The following NCOA7 variants were observed in gnomAD, a reference collection of about 807,000 sequenced individuals.
The protein encoded by NCOA7 is 140 kDa estrogen receptor-associated protein.
NCOA7 carries 45 observed loss-of-function variants against 104.3 expected under a neutral mutation model. The observed-to-expected ratio is 0.43, with a 90% CI of 0.34 to 0.55. The LOEUF is 0.55. NCOA7 is among the 20% of genes least tolerant of loss of function. NCOA7 has a pLI of 0.02. For synonymous variants in NCOA7, 398 were observed against 402.3 expected, an observed-to-expected ratio of 0.99 and a Z score of 0.13; for missense variants, 1,041 against 1,119.7, an observed-to-expected ratio of 0.93 and a Z score of 1.00.
chr6:125,819,535 A>G (rs1777958702), intron 2 of NCOA7, among the ~76,000 whole-genome samples: 1 of 152,146 alleles, frequency 6.6e-6, no homozygotes, highest in Non-Finnish European at 1.5e-5. Flanking sequence ...AAACTTTTTC[A>G]CAAATGGTTT....
At chr6:125,923,966 T>C (rs1463519001) in intron 13 of NCOA7, among the ~76,000 whole-genome samples, 4 of 152,228 alleles carry the variant, frequency 2.6e-5, no homozygotes, top group African/African-American at 9.6e-5. Flanking sequence ...TTAAGAGTTG[T>C]GGGAATTAAT....
intron 1 of NCOA7, among the ~76,000 whole-genome samples, chr6:125,781,605 G>A (rs945277002): frequency 6.6e-6 from 1 of 152,086 alleles, no homozygotes; most frequent in Non-Finnish European, 1.5e-5. Context: ...TCAGTAGGTG[G>A]AGCTCTTAAC....
chr6:125,890,701 G>C lies in NCOA7; in HGVS notation c.1987G>C (p.Val663Leu). 6.2e-7 allele frequency: 1 copy of C among 1,613,826 alleles called. No homozygotes were observed. Among genetic ancestry groups the C allele is most frequent in the South Asian group, 1.1e-5 (1 of 91,056 alleles). The change falls in exon 10 of 16, where the codon GTG becomes CTG. Residue 663 changes from valine (V) to leucine (L), a missense_variant. Coordinates refer to ENST00000392477, the MANE Select transcript of NCOA7 (RefSeq NM_181782.5). ...CCCACCCATGTTCCTGTGCATCAAA[G>C]TGGGAAAACCAATGAGAAAATCCTT... is the stretch of plus-strand genomic sequence containing the variant. ...KTPPMFLCIK[V>L]GKPMRKSFAT...
chr6:125,851,299 T>C (rs1293972889), intron 2 of NCOA7, among the ~76,000 whole-genome samples: 1 of 152,140 alleles, frequency 6.6e-6, no homozygotes, highest in Non-Finnish European at 1.5e-5. Flanking sequence ...ATACTATATG[T>C]TTTTGCATCC....
At chr6:125,847,933 A>G (rs531326097) in intron 2 of NCOA7, among the ~76,000 whole-genome samples, 2 of 152,294 alleles carry the variant, frequency 1.3e-5, no homozygotes, top group Non-Finnish European at 2.9e-5. Flanking sequence ...TCCAGAATCT[A>G]CAAAGAACTC....
At chr6:125,903,765 G>C (rs1349305440) in intron 10 of NCOA7, among the ~76,000 whole-genome samples, 2 of 150,806 alleles carry the variant, frequency 1.3e-5, no homozygotes, top group Non-Finnish European at 2.9e-5. Flanking sequence ...GAGTGTAGTG[G>C]CATGATCTCA....
At chr6:125,878,033 T>C (rs1299706490) in intron 4 of NCOA7, among the ~76,000 whole-genome samples, 2 of 152,178 alleles carry the variant, frequency 1.3e-5, no homozygotes, top group Non-Finnish European at 2.9e-5. Flanking sequence ...AGAAATCTAT[T>C]AGGGGACAGT....
At chr6:125,855,285 T>A in intron 3 of NCOA7, 45 bp downstream of exon 3, 4 of 1,444,868 alleles carry the variant, frequency 2.8e-6, no homozygotes, top group Non-Finnish European at 3.8e-6. Context: ...TTAAAAAATC[T>A]ATAAGAATTT....
rs367670186 is a variant in NCOA7 at position 125,926,117 on chromosome 6, C to G, written c.2524-1546C>G. On this transcript the variant is annotated intron_variant, in intron 13 of 15. Coordinates refer to ENST00000392477, the MANE Select transcript of NCOA7 (RefSeq NM_181782.5). ...CCTGAGGCCAGGAGTTCCAGACCAG[C>G]CTGACCAACGTGGTGAAACCCCGTC... 1.2e-4 allele frequency among the ~76,000 whole-genome samples: 18 copies of G among 152,152 alleles called. No homozygotes were observed. The East Asian group carries it at 3.3e-3, about 28-fold the overall frequency.
At chr6:125,828,057 T>G (rs1342930338) in intron 2 of NCOA7, among the ~76,000 whole-genome samples, 1 of 152,214 alleles carries the variant, frequency 6.6e-6, no homozygotes, top group East Asian at 1.9e-4. Context: ...GAAAACAGGT[T>G]CTGGACTGAG....
chr6:125,829,389 A>G (rs1355419162), intron 2 of NCOA7, among the ~76,000 whole-genome samples: 1 of 152,242 alleles, frequency 6.6e-6, no homozygotes, highest in Non-Finnish European at 1.5e-5. Context: ...GGATTTTAAT[A>G]TATTAGTGTA....
At chr6:125,846,352 GA>G (rs202066680) in intron 2 of NCOA7, among the ~76,000 whole-genome samples, 7 of 88,982 alleles carry the variant, frequency 7.9e-5, no homozygotes, top group African/African-American at 2.6e-4. Flanking sequence ...ATATAAAAAA[GA>G]AAAAAAAATT....
intron 10 of NCOA7, among the ~76,000 whole-genome samples, chr6:125,914,132 T>C (rs1786832626): frequency 6.6e-6 from 1 of 152,302 alleles, no homozygotes; most frequent in Middle Eastern, 3.4e-3. Context: ...ATTCGAACCA[T>C]AGTGAAAGGC....
Position 125,930,590 on chromosome 6 carries a change from T to G in NCOA7, c.*1819T>G, listed in dbSNP as rs987310900. The G allele has an allele frequency of 1.3e-5, 2 of 152,666 alleles. No homozygotes were observed. Among genetic ancestry groups the G allele is most frequent in the Non-Finnish European group, 2.9e-5 (2 of 68,048 alleles). The allele number at this position is 152,666 out of a possible 1,614,324, so 9.5% of individuals were successfully genotyped here. The stretch of plus-strand genomic sequence containing the variant: ...AAAGCAATTCTTAGAATACTTCCTT[T>G]ACATTATTCTCCTATTTTAGACATT... On this transcript the variant is annotated 3_prime_UTR_variant, in exon 16 of 16. Transcript: ENST00000392477.
At chr6:125,784,459 C>G (rs1026120493) in intron 1 of NCOA7, among the ~76,000 whole-genome samples, 1 of 152,212 alleles carries the variant, frequency 6.6e-6, no homozygotes, top group Non-Finnish European at 1.5e-5. Context: ...GGTATAGCCA[C>G]TCTAGAAAAT....
intron 8 of NCOA7, among the ~76,000 whole-genome samples, chr6:125,887,155 C>T (rs1435979314): frequency 6.6e-6 from 1 of 152,174 alleles, no homozygotes; most frequent in Non-Finnish European, 1.5e-5. Flanking sequence ...ACAAGGTAAT[C>T]TAGAAAGCTA....
At chr6:125,854,901 A>C in intron 2 of NCOA7, 119 bp from the exon 3 acceptor site, 1 of 652,404 alleles carries the variant, frequency 1.5e-6, no homozygotes, top group Non-Finnish European at 2.6e-6. Flanking sequence ...CCATATTATA[A>C]GGAAAGTGTT....
chr6:125,871,627 A>G (rs533045507), intron 3 of NCOA7, among the ~76,000 whole-genome samples: 2 of 152,210 alleles, frequency 1.3e-5, no homozygotes, highest in Non-Finnish European at 2.9e-5. Flanking sequence ...GTGATGTTAC[A>G]TCAGTGAAAA....
At chr6:125,822,302 C>T (rs1397735852) in intron 2 of NCOA7, among the ~76,000 whole-genome samples, 3 of 152,134 alleles carry the variant, frequency 2.0e-5, no homozygotes, top group African/African-American at 7.2e-5. Context: ...TAGCTTTATA[C>T]TTTTTTAATA....
Sources: gnomAD v4.1 joint callset for allele counts (sites outside exome capture counted in the v4.1 genomes callset) on GRCh38, gnomAD v4.1.1 for gene constraint, MANE v1.5 for transcripts, NCBI Gene and HGNC (gene_info 2026-07-23, HGNC 2026-07-21) for gene names.